Variants in THSD7B observed in about 807,000 individuals in gnomAD.
The protein encoded by THSD7B is thrombospondin type-1 domain-containing protein 7B.
Under a neutral mutation model 213.6 loss-of-function variants are expected in THSD7B, and 138 were observed. The observed-to-expected ratio is 0.65, with a 90% CI of 0.56 to 0.74. The LOEUF (loss-of-function observed/expected upper bound fraction) is 0.74, where lower values mean the gene tolerates loss of function less well. Among genes scored for constraint, THSD7B ranks in the 30% least tolerant of loss-of-function variants. The pLI is 0.00. For synonymous variants in THSD7B, 742 were observed against 687.0 expected, an observed-to-expected ratio of 1.08 and a Z score of -1.25; for missense variants, 1,931 against 1,991.5, an observed-to-expected ratio of 0.97 and a Z score of 0.58.
intron 9 of THSD7B, among the ~76,000 whole-genome samples, chr2:137,241,790 T>C (rs1187375456): frequency 6.6e-6 from 1 of 151,930 alleles, no homozygotes; most frequent in African/African-American, 2.4e-5. Context: ...GCACCTGTAA[T>C]CCCAGCTACT....
At chr2:137,510,213 C>T (rs1023423495) in intron 15 of THSD7B, among the ~76,000 whole-genome samples, 5 of 151,908 alleles carry the variant, frequency 3.3e-5, no homozygotes, top group African/African-American at 7.3e-5. Flanking sequence ...TTTCTATCTT[C>T]GATGAATTTT....
At chr2:137,017,061 G>A (rs946109654) in intron 2 of THSD7B, among the ~76,000 whole-genome samples, 1 of 152,148 alleles carries the variant, frequency 6.6e-6, no homozygotes, top group Non-Finnish European at 1.5e-5. Context: ...ACAAGTGTAA[G>A]TTTCCATGAG....
chr2:137,504,803 A>G (rs965300273), intron 15 of THSD7B, among the ~76,000 whole-genome samples: 3 of 152,184 alleles, frequency 2.0e-5, no homozygotes, highest in African/African-American at 7.2e-5. Context: ...TGCCAAGTAA[A>G]ATAGTATAGA....
At chr2:137,217,544 G>T (rs1681277092) in intron 7 of THSD7B, among the ~76,000 whole-genome samples, 1 of 152,112 alleles carries the variant, frequency 6.6e-6, no homozygotes, top group African/African-American at 2.4e-5. Context: ...AGAATGGCAG[G>T]CTAGAATTCA....
chr2:137,605,598 A>G (rs1256485924), intron 17 of THSD7B, among the ~76,000 whole-genome samples: 1 of 149,902 alleles, frequency 6.7e-6, no homozygotes, highest in Non-Finnish European at 1.5e-5. Context: ...CCATAGTGTT[A>G]AAAGTAAAAA....
At chr2:137,010,777 C>T (rs1686216368) in intron 2 of THSD7B, among the ~76,000 whole-genome samples, 1 of 152,168 alleles carries the variant, frequency 6.6e-6, no homozygotes, top group Non-Finnish European at 1.5e-5. Context: ...ATAGATGAGA[C>T]AAAGTTCCTG....
At chr2:137,339,263 G>A (rs78514842) in intron 12 of THSD7B, among the ~76,000 whole-genome samples, 1,255 of 104,510 alleles carry the variant, frequency 0.012, 22 homozygotes, top group African/African-American at 0.037. Flanking sequence ...AGCATCCAGC[G>A]CATCCAGAAA....
At chr2:136,789,545 A>G (rs1372672941) in intron 1 of THSD7B, among the ~76,000 whole-genome samples, 1 of 152,102 alleles carries the variant, frequency 6.6e-6, no homozygotes, top group East Asian at 1.9e-4. Context: ...ATTTCAGTCT[A>G]GTTCACTAAG....
intron 12 of THSD7B, among the ~76,000 whole-genome samples, chr2:137,361,716 A>G (rs986142809): frequency 6.6e-6 from 1 of 152,238 alleles, no homozygotes; most frequent in African/African-American, 2.4e-5. Flanking sequence ...AAACTCTCCA[A>G]GAAATATGAG....
intron 15 of THSD7B, among the ~76,000 whole-genome samples, chr2:137,472,748 G>A (rs956667494): frequency 5.2e-4 from 79 of 152,314 alleles, no homozygotes; most frequent in African/African-American, 1.8e-3. Context: ...TTGGTTTTGA[G>A]AGGCTAGTTG....
chr2:137,654,853 C>G (rs182102609), intron 21 of THSD7B, among the ~76,000 whole-genome samples: 1 of 152,100 alleles, frequency 6.6e-6, no homozygotes, highest in Non-Finnish European at 1.5e-5. Flanking sequence ...GTAGGAAACC[C>G]TTTATCAGGC....
intron 10 of THSD7B, among the ~76,000 whole-genome samples, chr2:137,249,703 C>T (rs1030233945): frequency 6.6e-5 from 10 of 152,166 alleles, no homozygotes; most frequent in Non-Finnish European, 1.3e-4. Flanking sequence ...TCCGAGGTTA[C>T]CCAGTATGTT....
intron 2 of THSD7B, among the ~76,000 whole-genome samples, chr2:136,905,076 G>A (rs999950315): frequency 1.3e-5 from 2 of 152,188 alleles, no homozygotes; most frequent in African/African-American, 2.4e-5. Flanking sequence ...AACTATGTAG[G>A]TGTACCTTAC....
chr2:137,538,538 T>C (rs1302802794), intron 15 of THSD7B: 2 of 508,826 alleles, frequency 3.9e-6, no homozygotes, highest in Admixed American at 4.1e-5. Context: ...TTTTATTTAG[T>C]GAAAAGAAGC....
chr2:137,432,462 A>G (rs1043624988), intron 14 of THSD7B, among the ~76,000 whole-genome samples: 1 of 152,246 alleles, frequency 6.6e-6, no homozygotes, highest in African/African-American at 2.4e-5. Context: ...GAAAAAATAT[A>G]TAATGCTTCC....
chr2:137,316,720 T>A (rs1436365705), intron 12 of THSD7B, among the ~76,000 whole-genome samples: 2 of 141,144 alleles, frequency 1.4e-5, no homozygotes, highest in African/African-American at 5.4e-5. Context: ...ATGGTGCCAC[T>A]GCACTCCAGC....
intron 2 of THSD7B, among the ~76,000 whole-genome samples, chr2:137,012,758 G>A (rs1018972209): frequency 5.3e-5 from 8 of 152,242 alleles, no homozygotes; most frequent in African/African-American, 1.9e-4. Context: ...ACTTCGCATG[G>A]AGAGTCATCC....
At chr2:136,980,384 C>A (rs1005923996) in intron 2 of THSD7B, among the ~76,000 whole-genome samples, 1 of 152,172 alleles carries the variant, frequency 6.6e-6, no homozygotes, top group Admixed American at 6.5e-5. Context: ...GTGGCCACCC[C>A]CTCCCAACAG....
chr2:136,963,432 C>T (rs1176911432), intron 2 of THSD7B, among the ~76,000 whole-genome samples: 1 of 152,134 alleles, frequency 6.6e-6, no homozygotes, highest in Non-Finnish European at 1.5e-5. Flanking sequence ...TCCTTGAGGC[C>T]AGCAGTTCAA....
Sources: gnomAD v4.1 joint callset for allele counts (sites outside exome capture counted in the v4.1 genomes callset) on GRCh38, gnomAD v4.1.1 for gene constraint, MANE v1.5 for transcripts, NCBI Gene and HGNC (gene_info 2026-07-23, HGNC 2026-07-21) for gene names.